RAB38: variants seen among roughly 807,000 people sequenced by gnomAD.
The protein encoded by RAB38 is RAB38, member RAS oncogene family, also known as ras-related protein Rab-38.
A neutral mutation model predicts 18.4 loss-of-function variants in RAB38; 15 were observed. That is an observed-to-expected ratio of 0.82 (90% CI 0.55 to 1.26). RAB38 has a LOEUF of 1.26. Among genes scored for constraint, RAB38 ranks in the 50% most tolerant of loss-of-function variants. The pLI, the probability that RAB38 is intolerant of heterozygous loss-of-function variation, is 0.00. For synonymous variants in RAB38, 101 were observed against 104.4 expected, an observed-to-expected ratio of 0.97 and a Z score of 0.20; for missense variants, 294 against 267.4, an observed-to-expected ratio of 1.10 and a Z score of -0.69.
At chr11:88,108,937 T>G (rs560817723), downstream of RAB38, among the ~76,000 whole-genome samples, 8 of 152,344 alleles carry the variant, frequency 5.3e-5, no homozygotes, top group East Asian at 1.2e-3. Flanking sequence ...TTGAAAATTC[T>G]TTTCTTTAAG....
chr11:88,098,359 A>C, the RAB38 span, among the ~76,000 whole-genome samples: 14 of 151,988 alleles, frequency 9.2e-5, no homozygotes, highest in African/African-American at 3.1e-4. Context: ...ATTTGTTAAG[A>C]GAAAACTTAA....
Position 88,149,734 on chromosome 11 carries a change from T to C in RAB38, c.424A>G (p.Lys142Glu). The stretch of plus-strand genomic sequence containing the variant: ...TGCTCCTTGCAGAACTGGTCCATCT[T>C]GAGGCCATTGTTCATGAGCACATCC... Reference protein sequence around the residue: ...GKDVLMNNGLKMDQFCKEHGF... With the variant: ...GKDVLMNNGLEMDQFCKEHGF... The change falls in exon 2 of 3, where the codon AAG becomes GAG. Residue 142 changes from lysine to glutamate, a missense_variant. Lys to Glu is a moderately conservative substitution (Grantham distance 56). Transcript: ENST00000243662. 5 of 1,614,206 alleles carry C rather than the reference T, an allele frequency of 3.1e-6. No homozygotes were observed. Among genetic ancestry groups the C allele is most frequent in the Non-Finnish European group, 4.2e-6 (5 of 1,180,026 alleles).
At chr11:87,966,564 G>A in the RAB38 span, among the ~76,000 whole-genome samples, 6 of 152,164 alleles carry the variant, frequency 3.9e-5, no homozygotes, top group Non-Finnish European at 8.8e-5. Context: ...GTTTGTCTCA[G>A]TGATTTCCTC....
downstream of RAB38, among the ~76,000 whole-genome samples, chr11:88,109,136 T>C (rs1394746775): frequency 1.3e-5 from 2 of 152,036 alleles, no homozygotes; most frequent in Non-Finnish European, 2.9e-5. Flanking sequence ...CCTCAAACTA[T>C]ACTACAAGGC....
the RAB38 span, among the ~76,000 whole-genome samples, chr11:87,884,593 C>G: frequency 1.9e-3 from 282 of 152,000 alleles, 4 homozygotes; most frequent in African/African-American, 6.4e-3. Flanking sequence ...AGGTTAACAA[C>G]AGAGAGATAA....
chr11:88,170,175 C>T (rs914261971), intron 1 of RAB38, among the ~76,000 whole-genome samples: 24 of 152,146 alleles, frequency 1.6e-4, no homozygotes, highest in Non-Finnish European at 2.9e-5. Flanking sequence ...GAAAGTTCAC[C>T]ATTTTTGCTC....
chr11:87,903,005 G>A, the RAB38 span, among the ~76,000 whole-genome samples: 6 of 151,012 alleles, frequency 4.0e-5, no homozygotes, highest in Non-Finnish European at 5.9e-5. Flanking sequence ...GATGCTGTCC[G>A]TGAATAGAAA....
the RAB38 span, among the ~76,000 whole-genome samples, chr11:87,953,015 ATAACTTTT>A: frequency 6.6e-6 from 1 of 152,170 alleles, no homozygotes; most frequent in Non-Finnish European, 1.5e-5. Flanking sequence ...TAAAATTTTA[ATAACTTTT>A]TAAAAATTCT....
At chr11:87,819,417 A>T in the RAB38 span, among the ~76,000 whole-genome samples, 5 of 148,910 alleles carry the variant, frequency 3.4e-5, no homozygotes, top group Non-Finnish European at 7.4e-5. Flanking sequence ...CCACTGAAAA[A>T]CGAGAAAATG....
chr11:88,141,428 C>T (rs955124778), intron 2 of RAB38, among the ~76,000 whole-genome samples: 1 of 152,028 alleles, frequency 6.6e-6, no homozygotes, highest in African/African-American at 2.4e-5. Flanking sequence ...ATTATTTGGC[C>T]CCAAATGCAA....
At chr11:88,041,397 T>C in the RAB38 span, among the ~76,000 whole-genome samples, 1 of 152,190 alleles carries the variant, frequency 6.6e-6, no homozygotes, top group African/African-American at 2.4e-5. Flanking sequence ...TCTGTTTTGT[T>C]AAATAATAAT....
At chr11:88,140,015 T>C (rs1942886584) in intron 2 of RAB38, among the ~76,000 whole-genome samples, 1 of 152,096 alleles carries the variant, frequency 6.6e-6, no homozygotes, top group Admixed American at 6.5e-5. Context: ...GTGAAGAAAA[T>C]TGCTATATTC....
the RAB38 span, among the ~76,000 whole-genome samples, chr11:87,884,743 C>A: frequency 6.6e-6 from 1 of 151,878 alleles, no homozygotes; most frequent in African/African-American, 2.4e-5. Flanking sequence ...TTGAGGGACT[C>A]CTCTTTTAAT....
the RAB38 span, among the ~76,000 whole-genome samples, chr11:87,906,100 C>T: frequency 6.6e-6 from 1 of 151,912 alleles, no homozygotes; most frequent in South Asian, 2.1e-4. Flanking sequence ...TTTCTTTTCA[C>T]ATACTTTTCA....
chr11:88,082,354 T>A, the RAB38 span, among the ~76,000 whole-genome samples: 1 of 151,754 alleles, frequency 6.6e-6, no homozygotes, highest in Non-Finnish European at 1.5e-5. Flanking sequence ...ATTCAGGACA[T>A]GCAAAGCCAA....
At chr11:87,870,415 C>T in the RAB38 span, among the ~76,000 whole-genome samples, 3 of 151,424 alleles carry the variant, frequency 2.0e-5, no homozygotes, top group Non-Finnish European at 4.4e-5. Context: ...ATATTCATGT[C>T]CATTTTCATT....
At chr11:88,100,075 C>T in the RAB38 span, 1 of 151,800 alleles carries the variant, frequency 6.6e-6, no homozygotes, top group Non-Finnish European at 1.5e-5. Context: ...TACTCTCCTC[C>T]CTTCTCACTA....
the RAB38 span, among the ~76,000 whole-genome samples, chr11:87,973,440 T>C: frequency 0.036 from 5,483 of 151,896 alleles, 128 homozygotes; most frequent in Non-Finnish European, 0.055. Flanking sequence ...AGCTCAGTAT[T>C]GTGAGCTTTG....
intron 2 of RAB38, among the ~76,000 whole-genome samples, chr11:88,127,359 A>G (rs550548559): frequency 2.6e-5 from 4 of 152,320 alleles, no homozygotes; most frequent in African/African-American, 7.2e-5. Flanking sequence ...TCTCCCTCCC[A>G]TCTCAAAGAA....
Sources: gnomAD v4.1 joint callset for allele counts (sites outside exome capture counted in the v4.1 genomes callset) on GRCh38, gnomAD v4.1.1 for gene constraint, MANE v1.5 for transcripts, NCBI Gene and HGNC (gene_info 2026-07-23, HGNC 2026-07-21) for gene names.